The following C7orf78 variants were observed in gnomAD, a reference collection of about 807,000 sequenced individuals.
C7orf78 encodes putative uncharacterized protein C7orf78.
chr7:12,504,246 G>A, the C7orf78 span, among the ~76,000 whole-genome samples: 2 of 152,150 alleles, frequency 1.3e-5, no homozygotes, highest in Non-Finnish European at 2.9e-5. Context: ...TGAGTATTGA[G>A]CTTGTTGTTG....
the C7orf78 span, among the ~76,000 whole-genome samples, chr7:12,511,791 G>A: frequency 2.3e-4 from 35 of 151,570 alleles, no homozygotes; most frequent in African/African-American, 6.1e-4. Flanking sequence ...TTGCTCTGTC[G>A]CCCAGGCTGG....
At chr7:12,524,226 A>T in the C7orf78 span, among the ~76,000 whole-genome samples, 3 of 152,202 alleles carry the variant, frequency 2.0e-5, no homozygotes, top group African/African-American at 7.2e-5. Context: ...GTGGGTTAAT[A>T]ATGCTACATA....
the C7orf78 span, among the ~76,000 whole-genome samples, chr7:12,505,316 A>G: frequency 2.0e-5 from 3 of 152,264 alleles, no homozygotes; most frequent in African/African-American, 7.2e-5. Flanking sequence ...AGCTCAATCT[A>G]AAACATGGAG....
the C7orf78 span, chr7:12,492,098 T>A: frequency 6.6e-6 from 1 of 152,200 alleles, no homozygotes; most frequent in Non-Finnish European, 1.5e-5. Flanking sequence ...CTCTGGTAAT[T>A]TTCTGCCAGT....
chr7:12,494,582 G>A, the C7orf78 span, among the ~76,000 whole-genome samples: 6 of 151,998 alleles, frequency 3.9e-5, no homozygotes, highest in South Asian at 6.2e-4. Context: ...TGATAGCATC[G>A]TACATTATTA....
chr7:12,513,878 T>C, the C7orf78 span, among the ~76,000 whole-genome samples: 1 of 152,072 alleles, frequency 6.6e-6, no homozygotes, highest in Non-Finnish European at 1.5e-5. Context: ...TGGGTGCCTG[T>C]AGTCCCAGCT....
At chr7:12,498,888 G>A in the C7orf78 span, among the ~76,000 whole-genome samples, 18 of 151,396 alleles carry the variant, frequency 1.2e-4, no homozygotes, top group African/African-American at 2.9e-4. Context: ...AGGATCTCTC[G>A]GCAGAAACCC....
chr7:12,511,553 T>C, the C7orf78 span, among the ~76,000 whole-genome samples: 1 of 152,182 alleles, frequency 6.6e-6, no homozygotes, highest in African/African-American at 2.4e-5. Flanking sequence ...CTTTCATCAG[T>C]GTTTTGTAGC....
At chr7:12,493,858 A>G in the C7orf78 span, among the ~76,000 whole-genome samples, 4 of 152,360 alleles carry the variant, frequency 2.6e-5, no homozygotes, top group East Asian at 7.7e-4. Context: ...GTTCTATGTC[A>G]AGAAAAATGT....
the C7orf78 span, among the ~76,000 whole-genome samples, chr7:12,515,995 A>T: frequency 3.3e-5 from 5 of 152,310 alleles, no homozygotes; most frequent in East Asian, 9.7e-4. Flanking sequence ...TCTGAGGAGA[A>T]ATTCAACCTG....
the C7orf78 span, among the ~76,000 whole-genome samples, chr7:12,489,177 G>A: frequency 6.6e-6 from 1 of 151,984 alleles, no homozygotes; most frequent in Non-Finnish European, 1.5e-5. Flanking sequence ...CATCTGTCAT[G>A]AAAAAGATTA....
At chr7:12,484,198 T>C in the C7orf78 span, among the ~76,000 whole-genome samples, 1 of 152,200 alleles carries the variant, frequency 6.6e-6, no homozygotes, top group Non-Finnish European at 1.5e-5. Flanking sequence ...ATAGCAACCC[T>C]TCATGATTTT....
chr7:12,528,728 C>T, the C7orf78 span, among the ~76,000 whole-genome samples: 1 of 152,180 alleles, frequency 6.6e-6, no homozygotes, highest in Non-Finnish European at 1.5e-5. Context: ...ACAAAATTAA[C>T]TCCAGCAGGA....
At chr7:12,507,695 T>C in the C7orf78 span, among the ~76,000 whole-genome samples, 13,055 of 152,292 alleles carry the variant, frequency 0.086, 853 homozygotes, top group Admixed American at 0.23. Flanking sequence ...CCTCATTATA[T>C]AGTAAATGTG....
the C7orf78 span, chr7:12,507,570 T>G: frequency 6.4e-6 from 1 of 156,972 alleles, no homozygotes; most frequent in East Asian, 1.8e-4. Context: ...AGTTTTAAAA[T>G]TTTTATAAGC....
chr7:12,488,117 T>C, the C7orf78 span, among the ~76,000 whole-genome samples: 2 of 152,048 alleles, frequency 1.3e-5, no homozygotes, highest in Non-Finnish European at 2.9e-5. Context: ...AAGCTGAAAT[T>C]TAGTTTAGTG....
At chr7:12,529,981 G>A in the C7orf78 span, among the ~76,000 whole-genome samples, 1 of 152,190 alleles carries the variant, frequency 6.6e-6, no homozygotes, top group Non-Finnish European at 1.5e-5. Context: ...TCCTAGAAAA[G>A]AAGTGGTACC....
the C7orf78 span, among the ~76,000 whole-genome samples, chr7:12,509,649 T>G: frequency 6.6e-6 from 1 of 152,228 alleles, no homozygotes; most frequent in South Asian, 2.1e-4. Context: ...GTCTCTGATA[T>G]TCATCATTCT....
chr7:12,526,463 TC>T, the C7orf78 span, among the ~76,000 whole-genome samples: 2 of 152,114 alleles, frequency 1.3e-5, no homozygotes, highest in African/African-American at 4.8e-5. Flanking sequence ...AGGGACAATA[TC>T]TGAATGCTAT....
Sources: allele counts gnomAD v4.1 joint callset (sites outside exome capture counted in the v4.1 genomes callset), GRCh38; gene constraint gnomAD v4.1.1; transcripts MANE v1.5; gene names NCBI Gene and HGNC (gene_info 2026-07-23, HGNC 2026-07-21).